ADGRA3: variants seen among roughly 807,000 people sequenced by gnomAD.
ADGRA3 encodes the protein adhesion G protein-coupled receptor A3.
A neutral mutation model predicts 119.8 loss-of-function variants in ADGRA3; 56 were observed. The ratio of observed to expected loss-of-function variants is 0.47; its 90% CI spans 0.38 to 0.58. The LOEUF is 0.58. Among genes scored for constraint, ADGRA3 ranks in the 20% least tolerant of loss-of-function variants. The probability of loss-of-function intolerance (pLI) is 0.00; values close to 1 mark genes in which losing one functional copy is unlikely to be tolerated. For missense variants in ADGRA3, 1,516 were observed against 1,649.0 expected, an observed-to-expected ratio of 0.92 and a Z score of 1.40; for synonymous variants, 607 against 623.8, an observed-to-expected ratio of 0.97 and a Z score of 0.40.
At chr4:22,424,016 T>C (rs1268210240) in intron 11 of ADGRA3, among the ~76,000 whole-genome samples, 175 bp downstream of exon 11, 4 of 150,874 alleles carry the variant, frequency 2.7e-5, no homozygotes, top group African/African-American at 4.8e-5. Context: ...AAGAAGAAAT[T>C]CTGTAATAAC....
chr4:22,505,041 G>A (rs1719189353), intron 1 of ADGRA3, among the ~76,000 whole-genome samples: 1 of 152,152 alleles, frequency 6.6e-6, no homozygotes, highest in African/African-American at 2.4e-5. Flanking sequence ...GACTTGGATG[G>A]ATGCAAGCCT....
At chr4:22,490,041 T>G (rs1451731630) in intron 1 of ADGRA3, among the ~76,000 whole-genome samples, 1 of 152,210 alleles carries the variant, frequency 6.6e-6, no homozygotes, top group Non-Finnish European at 1.5e-5. Context: ...TTATCAAAGA[T>G]CTGACATTTT....
At position 22,413,797 on chromosome 4, in the gene ADGRA3, A is replaced by G. The variant is rs1436855311; in HGVS notation, c.1827T>C (p.Ala609=). The change falls in exon 13 of 19, where the codon GCT becomes GCC. Residue 609 remains alanine, a synonymous_variant. Transcript: ENST00000334304. The stretch of plus-strand genomic sequence containing the variant: ...AAAGGGAAGGAGGAAGCTGAATAGA[A>G]GCCTCCACAATAGTATTCTGAAAAA... The part of the protein sequence containing the change: ...SLALKNTIVE[A]SIQLPPSLFS... 6.2e-7 allele frequency: 1 copy of G among 1,612,230 alleles called. No homozygotes were observed. The highest frequency in any genetic ancestry group is 8.5e-7 in the Non-Finnish European group (1 of 1,178,726).
At chr4:22,446,788 A>G (rs1289323706) in intron 5 of ADGRA3, among the ~76,000 whole-genome samples, 1 of 152,198 alleles carries the variant, frequency 6.6e-6, no homozygotes, top group Admixed American at 6.5e-5. Flanking sequence ...ACAACATTAT[A>G]TTTAACTGTA....
At chr4:22,421,881 C>CAAAAAAAAA (rs754845592) in intron 11 of ADGRA3, among the ~76,000 whole-genome samples, 2 of 70,426 alleles carry the variant, frequency 2.8e-5, no homozygotes, top group East Asian at 4.7e-4. Flanking sequence ...ACTCAGTCTC[C>CAAAAAAAAA]AAAAAAAAAA....
intron 4 of ADGRA3, among the ~76,000 whole-genome samples, chr4:22,454,662 A>G (rs1344114666): frequency 6.6e-6 from 1 of 152,072 alleles, no homozygotes; most frequent in Non-Finnish European, 1.5e-5. Flanking sequence ...GTACATGCAC[A>G]TGTGTCCGTG....
In ADGRA3 at chr4:22,413,826, T is replaced by C. The variant is rs369520879; in HGVS notation, c.1810-12A>G. The C allele has an allele frequency of 7.7e-6, 12 of 1,563,168 alleles. No individual in the cohort carries two copies. In the East Asian group the frequency reaches 9.1e-5, roughly 12 times the overall value. On this transcript the variant is annotated splice_polypyrimidine_tract_variant and intron_variant, in intron 12 of 18. Coordinates refer to ENST00000334304, the MANE Select transcript of ADGRA3 (RefSeq NM_145290.4). Reference sequence around the variant, plus strand: ...TCCACAATAGTATTCTGAAAAAATATATATACATAAAAAAAGCTCACTACA... The same window carrying C: ...TCCACAATAGTATTCTGAAAAAATACATATACATAAAAAAAGCTCACTACA...
intron 12 of ADGRA3, among the ~76,000 whole-genome samples, chr4:22,417,102 T>C (rs1197606113): frequency 6.6e-6 from 1 of 152,246 alleles, no homozygotes; most frequent in African/African-American, 2.4e-5. Flanking sequence ...AGACAGATGC[T>C]ATAATATCTC....
At position 22,424,139 on chromosome 4, in the gene ADGRA3, C is replaced by G. The variant is rs371404002; in HGVS notation, c.1605+52G>C. 1.6e-4 allele frequency: 244 copies of G among 1,511,468 alleles called. 1 individual carries two copies. The African/African-American group carries it at 3.1e-3, about 19-fold the overall frequency. 93.6% of individuals were successfully genotyped at this position (1,511,468 alleles called of 1,614,324 possible). On this transcript the variant is annotated intron_variant, in intron 11 of 18. Transcript: ENST00000334304. ...GACACCTATCTCTTTCGGGTGAGAG[C>G]TGTGTGAAATGCACTTTTTTTCTCA...
intron 7 of ADGRA3, among the ~76,000 whole-genome samples, chr4:22,439,661 T>C (rs866678886): frequency 7.9e-5 from 12 of 152,194 alleles, no homozygotes; most frequent in African/African-American, 2.9e-4. Context: ...ATAAACATAC[T>C]GTAATTAATA....
chr4:22,392,382 C>T (rs1444642999), intron 17 of ADGRA3, among the ~76,000 whole-genome samples, 163 bp downstream of exon 17: 1 of 152,184 alleles, frequency 6.6e-6, no homozygotes, highest in African/African-American at 2.4e-5. Context: ...TGTCTGAGGA[C>T]TCGCAGCGGG....
At chr4:22,421,881 C>CAAA (rs754845592) in intron 11 of ADGRA3, among the ~76,000 whole-genome samples, 17 of 70,426 alleles carry the variant, frequency 2.4e-4, no homozygotes, top group African/African-American at 9.6e-4. Flanking sequence ...ACTCAGTCTC[C>CAAA]AAAAAAAAAA....
chr4:22,493,604 CTGG>C (rs1718705259), intron 1 of ADGRA3, among the ~76,000 whole-genome samples: 1 of 152,150 alleles, frequency 6.6e-6, no homozygotes, highest in African/African-American at 2.4e-5. Context: ...TGTTACCAGT[CTGG>C]TAAAGCACTA....
rs776634419 is a variant in ADGRA3 at position 22,445,010 on chromosome 4, T to C, written c.669A>G (p.Gln223=). 3.3e-5 allele frequency: 54 copies of C among 1,613,580 alleles called. No individual in the cohort carries two copies. The highest frequency in any genetic ancestry group is 8.8e-5 in the South Asian group (8 of 91,064). ...RCVYPKSLQA[Q]PVTGVKQELL... is the part of the protein sequence containing the mutation. ...GCTCCTGCTTCACGCCTGTGACTGGTTGGGCCTGCAGTGACTTAGGATAAA... is the reference window on the plus strand; with the variant it reads ...GCTCCTGCTTCACGCCTGTGACTGGCTGGGCCTGCAGTGACTTAGGATAAA... The change falls in exon 6 of 19, where the codon CAA becomes CAG. Residue 223 remains glutamine (Q), a synonymous_variant. Transcript: ENST00000334304.
At chr4:22,513,622 C>T (rs545934815) in intron 1 of ADGRA3, among the ~76,000 whole-genome samples, 2 of 151,738 alleles carry the variant, frequency 1.3e-5, no homozygotes, top group African/African-American at 4.8e-5. Flanking sequence ...AGTGATTCTC[C>T]TGCCTCAGCC....
intron 6 of ADGRA3, among the ~76,000 whole-genome samples, chr4:22,443,687 T>C (rs551193370): frequency 6.6e-6 from 1 of 152,256 alleles, no homozygotes; most frequent in South Asian, 2.1e-4. Flanking sequence ...TTACATTAAT[T>C]CAACTTAAAA....
intron 9 of ADGRA3, among the ~76,000 whole-genome samples, chr4:22,435,725 C>CT (rs1246420230): frequency 1.3e-5 from 2 of 152,174 alleles, no homozygotes; most frequent in Admixed American, 6.5e-5. Context: ...GTTGCACCAT[C>CT]TATCTCTTCT....
intron 12 of ADGRA3, chr4:22,419,906 T>A (rs1715582278): frequency 6.6e-6 from 1 of 152,638 alleles, no homozygotes; most frequent in Non-Finnish European, 1.5e-5. Flanking sequence ...GTATAGGGTA[T>A]CAAGTAAATA....
chr4:22,439,506 C>T (rs953289208), intron 7 of ADGRA3, among the ~76,000 whole-genome samples: 5 of 152,294 alleles, frequency 3.3e-5, no homozygotes, highest in Admixed American at 2.0e-4. Flanking sequence ...TTTTAATTAA[C>T]TTACAAAATT....
Sources: allele counts gnomAD v4.1 joint callset (sites outside exome capture counted in the v4.1 genomes callset), GRCh38; gene constraint gnomAD v4.1.1; transcripts MANE v1.5; gene names NCBI Gene and HGNC (gene_info 2026-07-23, HGNC 2026-07-21).